RSPO2: variants seen among roughly 807,000 people sequenced by gnomAD.
RSPO2 encodes R-spondin 2, also known as R-spondin-2.
RSPO2 carries 14 observed loss-of-function variants against 30.9 expected under a neutral mutation model. That is an observed-to-expected ratio of 0.45 (90% CI 0.30 to 0.71). The LOEUF is 0.71. RSPO2 is among the 30% of genes least tolerant of loss of function. The pLI, the probability that RSPO2 is intolerant of heterozygous loss-of-function variation, is 0.08. For synonymous variants in RSPO2, 107 were observed against 96.4 expected, an observed-to-expected ratio of 1.11 and a Z score of -0.64; for missense variants, 264 against 301.9, an observed-to-expected ratio of 0.87 and a Z score of 0.93.
At chr8:108,001,757 A>G (rs1815255604) in intron 2 of RSPO2, among the ~76,000 whole-genome samples, 1 of 152,168 alleles carries the variant, frequency 6.6e-6, no homozygotes, top group African/African-American at 2.4e-5. Flanking sequence ...GAGGGAAAAA[A>G]AAAATTGTAC....
chr8:107,961,292 C>T (rs981695030), intron 3 of RSPO2, among the ~76,000 whole-genome samples: 1 of 152,000 alleles, frequency 6.6e-6, no homozygotes, highest in Admixed American at 6.6e-5. Context: ...CTGGTCAATG[C>T]TAGCACCTAC....
At chr8:107,962,203 C>T (rs770564328) in intron 3 of RSPO2, among the ~76,000 whole-genome samples, 29 of 151,076 alleles carry the variant, frequency 1.9e-4, no homozygotes, top group Non-Finnish European at 3.7e-4. Flanking sequence ...ATAAGCAAAG[C>T]GATAAAGGGG....
At chr8:107,965,546 T>G (rs571042399) in intron 3 of RSPO2, among the ~76,000 whole-genome samples, 25 of 152,148 alleles carry the variant, frequency 1.6e-4, no homozygotes, top group Admixed American at 1.1e-3. Context: ...CACGTGGCAC[T>G]AACAGAGCAT....
intron 5 of RSPO2, among the ~76,000 whole-genome samples, chr8:107,911,030 C>G (rs1811806234): frequency 6.6e-6 from 1 of 152,162 alleles, no homozygotes; most frequent in Non-Finnish European, 1.5e-5. Context: ...AGGGCTACAT[C>G]TAAACACTGA....
chr8:108,079,976 C>G (rs975000295), intron 2 of RSPO2, among the ~76,000 whole-genome samples: 6 of 152,212 alleles, frequency 3.9e-5, no homozygotes, highest in African/African-American at 1.2e-4. Flanking sequence ...CACTGAGGAA[C>G]TAATTGAAAT....
intron 2 of RSPO2, among the ~76,000 whole-genome samples, chr8:108,061,130 C>A (rs1041015684): frequency 1.3e-5 from 2 of 151,756 alleles, no homozygotes; most frequent in African/African-American, 4.9e-5. Context: ...CATCAACTAA[C>A]AAGCAAAATA....
At chr8:108,014,103 C>T (rs1295359244) in intron 2 of RSPO2, among the ~76,000 whole-genome samples, 1 of 152,210 alleles carries the variant, frequency 6.6e-6, no homozygotes, top group Non-Finnish European at 1.5e-5. Context: ...CTCATCATCA[C>T]TGGTCATTAG....
intron 2 of RSPO2, among the ~76,000 whole-genome samples, chr8:108,057,293 T>C (rs1378241475): frequency 3.9e-5 from 6 of 152,004 alleles, no homozygotes; most frequent in African/African-American, 1.4e-4. Flanking sequence ...TTTATATTTA[T>C]GTAGAAGGGA....
chr8:108,010,928 G>C (rs565796794), intron 2 of RSPO2, among the ~76,000 whole-genome samples: 5 of 152,012 alleles, frequency 3.3e-5, no homozygotes, highest in Non-Finnish European at 7.4e-5. Flanking sequence ...AGAATGTAAA[G>C]TGCCAGCCTG....
chr8:107,963,566 A>G (rs910314912), intron 3 of RSPO2, among the ~76,000 whole-genome samples: 2 of 146,616 alleles, frequency 1.4e-5, no homozygotes, highest in Non-Finnish European at 3.0e-5. Context: ...GTTGCAAGAT[A>G]TATATAGTAT....
At chr8:107,927,132 C>G (rs1263699354) in intron 5 of RSPO2, among the ~76,000 whole-genome samples, 1 of 152,022 alleles carries the variant, frequency 6.6e-6, no homozygotes, top group Non-Finnish European at 1.5e-5. Flanking sequence ...AGTTGGATTC[C>G]TAGGTATTTT....
intron 3 of RSPO2, among the ~76,000 whole-genome samples, chr8:107,966,123 A>T (rs908298742): frequency 2.6e-5 from 4 of 152,140 alleles, no homozygotes; most frequent in African/African-American, 9.7e-5. Flanking sequence ...TTGGGTGGGG[A>T]TTATAAATTA....
chr8:108,075,385 GC>G (rs1450930292), intron 2 of RSPO2, among the ~76,000 whole-genome samples: 1 of 151,788 alleles, frequency 6.6e-6, no homozygotes, highest in African/African-American at 2.4e-5. Context: ...GGAAGCTGAG[GC>G]AGAAGAATCA....
At chr8:108,032,439 T>C (rs2130637641) in intron 2 of RSPO2, among the ~76,000 whole-genome samples, 1 of 152,328 alleles carries the variant, frequency 6.6e-6, no homozygotes, top group African/African-American at 2.4e-5. Flanking sequence ...AATAAATGGA[T>C]AAATGGCTTT....
chr8:107,970,279 A>G (rs1210819859), intron 3 of RSPO2, among the ~76,000 whole-genome samples: 2 of 152,172 alleles, frequency 1.3e-5, no homozygotes, highest in Non-Finnish European at 2.9e-5. Context: ...GTGTGTCACA[A>G]AATATTGTTC....
intron 2 of RSPO2, among the ~76,000 whole-genome samples, chr8:108,076,404 G>A (rs1813015837): frequency 6.6e-6 from 1 of 152,216 alleles, no homozygotes. Flanking sequence ...CACTGTAAGG[G>A]ATGGAGCATC....
intron 2 of RSPO2, among the ~76,000 whole-genome samples, chr8:108,024,468 A>T (rs1013886061): frequency 1.3e-5 from 2 of 152,178 alleles, no homozygotes; most frequent in Non-Finnish European, 2.9e-5. Context: ...ATGAGTATCT[A>T]ATGTATGTTA....
rs904574552 is a variant in RSPO2 at position 108,022,782 on chromosome 8, G to A, written c.95-33538C>T. ...CTCTACTAAAAATACAAAATTAGCC[G>A]GGCGTGGTGGCGCATGCCTGTAATC... On this transcript the variant is annotated intron_variant, in intron 2 of 5. Coordinates refer to ENST00000276659, the MANE Select transcript of RSPO2 (RefSeq NM_178565.5). Among the ~76,000 whole-genome samples, 5 of 151,930 alleles carry A rather than the reference G, an allele frequency of 3.3e-5. No homozygotes were observed. In the South Asian group the frequency reaches 6.2e-4, roughly 19 times the overall value.
intron 5 of RSPO2, among the ~76,000 whole-genome samples, chr8:107,954,755 C>T (rs566018790): frequency 6.6e-6 from 1 of 152,180 alleles, no homozygotes; most frequent in South Asian, 2.1e-4. Context: ...GGACTACAGG[C>T]ACCCACCACC....
Sources: gnomAD v4.1 joint callset for allele counts (sites outside exome capture counted in the v4.1 genomes callset) on GRCh38, gnomAD v4.1.1 for gene constraint, MANE v1.5 for transcripts, NCBI Gene and HGNC (gene_info 2026-07-23, HGNC 2026-07-21) for gene names.